LRRC7: variants seen among roughly 807,000 people sequenced by gnomAD.
LRRC7 encodes the protein leucine rich repeat containing 7, also known as leucine-rich repeat-containing protein 7.
A neutral mutation model predicts 175.7 loss-of-function variants in LRRC7; 23 were observed. That is an observed-to-expected ratio of 0.13 (90% CI 0.09 to 0.19). LRRC7 has a LOEUF of 0.19. LRRC7 is among the 10% of genes least tolerant of loss of function. The pLI, the probability that LRRC7 is intolerant of heterozygous loss-of-function variation, is 1.00. For missense variants in LRRC7, 1,354 were observed against 1,904.7 expected (o/e 0.71, Z 5.38); for synonymous variants, 685 against 680.9 (o/e 1.01, Z -0.09).
At chr1:69,868,561 G>A (rs917431840) in intron 7 of LRRC7, among the ~76,000 whole-genome samples, 2 of 152,080 alleles carry the variant, frequency 1.3e-5, no homozygotes, top group Non-Finnish European at 1.5e-5. Flanking sequence ...TAGAATGATG[G>A]CAGAGAGTCA....
chr1:69,969,928 A>T (rs1255764673), intron 8 of LRRC7, among the ~76,000 whole-genome samples: 1 of 152,208 alleles, frequency 6.6e-6, no homozygotes, highest in Non-Finnish European at 1.5e-5. Context: ...TATATCAAGC[A>T]GTCTCTCAGA....
At chr1:69,634,246 CAAGAGTAAAACGTGA>C (rs1652973744) in intron 1 of LRRC7, among the ~76,000 whole-genome samples, 1 of 151,924 alleles carries the variant, frequency 6.6e-6, no homozygotes, top group South Asian at 2.1e-4. Context: ...GTTAAGGTCA[CAAGAGTAAAACGTGA>C]AAGAGCCATG....
chr1:69,911,490 A>G (rs891114777), intron 7 of LRRC7, among the ~76,000 whole-genome samples: 3 of 152,168 alleles, frequency 2.0e-5, no homozygotes, highest in Non-Finnish European at 4.4e-5. Context: ...AGTAATAGCC[A>G]TTCTGACTGG....
chr1:69,715,339 A>G, intron 2 of LRRC7, among the ~76,000 whole-genome samples: 1 of 152,276 alleles, frequency 6.6e-6, no homozygotes, highest in East Asian at 1.9e-4. Flanking sequence ...GGTTTTACAG[A>G]TATAGATATA....
intron 2 of LRRC7, among the ~76,000 whole-genome samples, chr1:69,698,088 T>C (rs577352782): frequency 3.0e-4 from 46 of 152,310 alleles, no homozygotes; most frequent in South Asian, 1.0e-3. Flanking sequence ...AAGTGCCTCC[T>C]CTTGAAGCCT....
intron 2 of LRRC7, among the ~76,000 whole-genome samples, chr1:69,739,365 T>C (rs896142064): frequency 2.0e-5 from 3 of 152,072 alleles, no homozygotes; most frequent in African/African-American, 7.2e-5. Context: ...GGGGCAGCCA[T>C]AGGGCTTTCA....
chr1:69,764,861 A>C (rs1162359316), intron 3 of LRRC7, among the ~76,000 whole-genome samples: 1 of 152,052 alleles, frequency 6.6e-6, no homozygotes, highest in African/African-American at 2.4e-5. Context: ...ACTGGTATTT[A>C]TTATTCTATT....
intron 25 of LRRC7, among the ~76,000 whole-genome samples, chr1:70,090,455 A>G (rs1663942414): frequency 6.6e-6 from 1 of 152,078 alleles, no homozygotes; most frequent in African/African-American, 2.4e-5. Flanking sequence ...TGGACATTCA[A>G]GATGTTGCCT....
At chr1:69,929,665 T>C (rs1647208427) in intron 7 of LRRC7, among the ~76,000 whole-genome samples, 1 of 152,216 alleles carries the variant, frequency 6.6e-6, no homozygotes, top group Admixed American at 6.5e-5. Flanking sequence ...CTTATTACAT[T>C]AGCCTTCTCT....
chr1:69,917,327 C>G (rs1281754902), intron 7 of LRRC7, among the ~76,000 whole-genome samples: 1 of 152,116 alleles, frequency 6.6e-6, no homozygotes, highest in Non-Finnish European at 1.5e-5. Flanking sequence ...GGAAATCACA[C>G]CAATGGACTT....
At chr1:69,689,427 T>C (rs1280291089) in intron 2 of LRRC7, among the ~76,000 whole-genome samples, 1 of 147,748 alleles carries the variant, frequency 6.8e-6, no homozygotes, top group Non-Finnish European at 1.5e-5. Flanking sequence ...CTGGAATTCA[T>C]CTTCTGCTTA....
At chr1:69,830,707 A>G (rs1680433944) in intron 5 of LRRC7, among the ~76,000 whole-genome samples, 1 of 151,966 alleles carries the variant, frequency 6.6e-6, no homozygotes, top group Non-Finnish European at 1.5e-5. Flanking sequence ...TCAATAAAAA[A>G]TTCACGTTGA....
intron 10 of LRRC7, among the ~76,000 whole-genome samples, chr1:69,991,045 C>T (rs570674903): frequency 6.6e-6 from 1 of 151,954 alleles, no homozygotes; most frequent in South Asian, 2.1e-4. Flanking sequence ...GTCCTAACTA[C>T]TCAGGAAGCT....
At chr1:69,780,972 T>TC (rs1673417787) in intron 3 of LRRC7, among the ~76,000 whole-genome samples, 1 of 152,220 alleles carries the variant, frequency 6.6e-6, no homozygotes, top group African/African-American at 2.4e-5. Flanking sequence ...GTATTTGTGG[T>TC]GAAAAACTAT....
chr1:70,038,929 C>T lies in LRRC7; in HGVS notation c.3105C>T (p.Ser1035=), dbSNP rs1181128078. ...PEHGMSSMSR[S]QSVPMLDDEM... ...ATGGTATGTCCAGTATGTCTCGAAG[C>T]CAGTCAGTCCCAATGCTGGATGATG... The change falls in exon 21 of 27, where the codon AGC becomes AGT. Residue 1035 remains serine (S), a synonymous_variant. Coordinates refer to ENST00000651989, the MANE Select transcript of LRRC7 (RefSeq NM_001370785.2). The T allele has an allele frequency of 1.9e-6, 3 of 1,613,912 alleles. No individual in the cohort carries two copies. The highest frequency in any genetic ancestry group is 1.7e-4 in the Middle Eastern group (1 of 6,060).
chr1:69,855,682 G>A (rs1173418150), intron 7 of LRRC7, among the ~76,000 whole-genome samples: 1 of 152,044 alleles, frequency 6.6e-6, no homozygotes, highest in African/African-American at 2.4e-5. Flanking sequence ...GGATATCCTT[G>A]TTAACTTTCT....
At chr1:69,999,783 T>C (rs1018511880) in intron 11 of LRRC7, among the ~76,000 whole-genome samples, 10 of 152,184 alleles carry the variant, frequency 6.6e-5, no homozygotes, top group Non-Finnish European at 1.3e-4. Flanking sequence ...AAATTTGGGA[T>C]GTACATCTTC....
chr1:69,979,945 G>T (rs1009641254), intron 8 of LRRC7, among the ~76,000 whole-genome samples: 1 of 151,820 alleles, frequency 6.6e-6, no homozygotes, highest in Admixed American at 6.6e-5. Flanking sequence ...TGTGCAAGGC[G>T]CTAATACACA....
At chr1:69,995,953 G>A (rs538797395) in intron 11 of LRRC7, among the ~76,000 whole-genome samples, 4 of 149,322 alleles carry the variant, frequency 2.7e-5, no homozygotes, top group Admixed American at 2.0e-4. Context: ...GGTATTTCTA[G>A]TTCTAGATCC....
Sources: allele counts gnomAD v4.1 joint callset (sites outside exome capture counted in the v4.1 genomes callset), GRCh38; gene constraint gnomAD v4.1.1; transcripts MANE v1.5; gene names NCBI Gene and HGNC (gene_info 2026-07-23, HGNC 2026-07-21).